Variants in RBP7 observed in about 807,000 individuals in gnomAD.
The protein encoded by RBP7 is retinol binding protein 7.
RBP7 carries 13 observed loss-of-function variants against 16.7 expected under a neutral mutation model. The ratio of observed to expected loss-of-function variants is 0.78; its 90% confidence interval spans 0.51 to 1.24. The LOEUF (loss-of-function observed/expected upper bound fraction) is 1.24, where lower values mean the gene tolerates loss of function less well. RBP7 is among the 50% of genes most tolerant of loss of function. The pLI is 0.00. For missense variants in RBP7, 145 were observed against 159.5 expected, an observed-to-expected ratio of 0.91 and a Z score of 0.49; for synonymous variants, 54 against 56.2, an observed-to-expected ratio of 0.96 and a Z score of 0.17.
At chr1:10,003,731 C>T (rs1383614385) in intron 1 of RBP7, among the ~76,000 whole-genome samples, 3 of 152,140 alleles carry the variant, frequency 2.0e-5, no homozygotes, top group Non-Finnish European at 4.4e-5. Context: ...AATTTGCTAA[C>T]AACAAATTGC....
At chr1:10,011,649 A>T (rs945457719) in intron 3 of RBP7, among the ~76,000 whole-genome samples, 12 of 152,178 alleles carry the variant, frequency 7.9e-5, no homozygotes, top group Non-Finnish European at 1.5e-4. Context: ...ACCCATGAGA[A>T]CAAAACTAGA....
chr1:10,014,382 T>C (rs915998758), intron 3 of RBP7, among the ~76,000 whole-genome samples: 12 of 151,072 alleles, frequency 7.9e-5, no homozygotes, highest in African/African-American at 2.9e-4. Context: ...TTCTTTTCTT[T>C]CTTTTTTCTT....
chr1:10,015,037 C>T (rs1642739808), intron 3 of RBP7, among the ~76,000 whole-genome samples: 1 of 152,172 alleles, frequency 6.6e-6, no homozygotes, highest in Non-Finnish European at 1.5e-5. Context: ...TAAAAACCCA[C>T]ACCTTTGGTG....
intron 1 of RBP7, among the ~76,000 whole-genome samples, chr1:9,999,586 G>C (rs1026146815): frequency 7.9e-5 from 12 of 151,964 alleles, no homozygotes; most frequent in African/African-American, 2.9e-4. Context: ...CCCACTCTTG[G>C]ATATGTCTTT....
At position 9,997,235 on chromosome 1, in the gene RBP7, G is replaced by A. The variant is rs1161775234; in HGVS notation, c.-24G>A. 1.1e-5 allele frequency: 15 copies of A among 1,360,092 alleles called. No homozygotes were observed. Among genetic ancestry groups the A allele is most frequent in the Non-Finnish European group, 1.5e-5 (15 of 1,026,276 alleles). 84.3% of individuals were successfully genotyped at this position (1,360,092 alleles called of 1,614,324 possible). On this transcript the variant is annotated 5_prime_UTR_variant, in exon 1 of 4. Transcript: ENST00000294435. This position sits in a 1 kb window ranked among gnomAD's most constrained non-coding sequence, Gnocchi z 5.9. ...CGGCCCGAGCCTCCGGCCGCCCGCC[G>A]GGTTTGTCCCGCGATCCCCGACCAT...
In RBP7 at chr1:9,997,395, C is replaced by A; in HGVS notation, c.73+64C>A. ...CGTGGGTCTCGGGATCAGGCGAAGGCGGCCGGGCCGGGCCTGTAGGTACGT... is the reference window on the plus strand; with the variant it reads ...CGTGGGTCTCGGGATCAGGCGAAGGAGGCCGGGCCGGGCCTGTAGGTACGT... On this transcript the variant is annotated intron_variant, in intron 1 of 3. Transcript: ENST00000294435. This position sits in a 1 kb window ranked among gnomAD's most constrained non-coding sequence, Gnocchi z 5.9. The A allele has an allele frequency of 6.6e-7, 1 of 1,509,276 alleles. No individual in the cohort carries two copies. The highest frequency in any genetic ancestry group is 9.2e-7 in the Non-Finnish European group (1 of 1,092,004). The allele number at this position is 1,509,276 out of a possible 1,614,324, so 93.5% of individuals were successfully genotyped here.
chr1:10,013,717 G>A (rs940689272), intron 3 of RBP7, among the ~76,000 whole-genome samples: 2 of 152,078 alleles, frequency 1.3e-5, no homozygotes, highest in Admixed American at 1.3e-4. Context: ...GGCTGAGGCA[G>A]GATAATCACT....
At chr1:9,999,660 A>C (rs113346921) in intron 1 of RBP7, among the ~76,000 whole-genome samples, 4,056 of 152,184 alleles carry the variant, frequency 0.027, 65 homozygotes, top group African/African-American at 0.036. Flanking sequence ...GAAACCCTTA[A>C]ATCCAGAACG....
In RBP7 at chr1:10,007,637, G is replaced by A; in HGVS notation, c.141G>A (p.Gly47=). The A allele has an allele frequency of 3.1e-6, 5 of 1,613,902 alleles. No individual in the cohort carries two copies. The highest frequency in any genetic ancestry group is 4.2e-6 in the Non-Finnish European group (5 of 1,179,940). ...LKPQKVIEQN[G]DSFTIHTNSS... ...CACAGAAAGTGATTGAGCAGAATGG[G>A]GATTCTTTTACCATCCACACGAACA... Residue 47 remains glycine, a synonymous_variant, in exon 2 of 4, where the codon GGG becomes GGA. Coordinates refer to ENST00000294435, the MANE Select transcript of RBP7 (RefSeq NM_052960.3).
intron 1 of RBP7, among the ~76,000 whole-genome samples, chr1:10,001,286 T>G (rs1305082967): frequency 2.0e-5 from 3 of 152,110 alleles, no homozygotes; most frequent in Non-Finnish European, 4.4e-5. Flanking sequence ...AAAGGCAGCT[T>G]GTCTTTGCAC....
intron 1 of RBP7, chr1:10,007,257 AT>A: frequency 6.9e-6 from 2 of 289,296 alleles, no homozygotes; most frequent in Non-Finnish European, 1.3e-5. Flanking sequence ...TACAGTTTTT[AT>A]TTTTTTATAG....
chr1:10,001,179 T>C (rs979573475), intron 1 of RBP7, among the ~76,000 whole-genome samples: 1 of 152,134 alleles, frequency 6.6e-6, no homozygotes, highest in Non-Finnish European at 1.5e-5. Flanking sequence ...AATCACTCCC[T>C]TTTGTCTAAA....
At chr1:9,998,424 T>TTTGAGACGGAGTCTCGCTC (rs1642212257) in intron 1 of RBP7, among the ~76,000 whole-genome samples, 1 of 148,832 alleles carries the variant, frequency 6.7e-6, no homozygotes, top group East Asian at 2.0e-4. Context: ...TTTTTTTTTT[T>TTTGAGACGGAGTCTCGCTC]TGAGACGGAG....
chr1:10,008,087 T>C, intron 2 of RBP7, 86 bp from the exon 3 acceptor site: 1 of 869,016 alleles, frequency 1.2e-6, no homozygotes, highest in Non-Finnish European at 1.9e-6. Flanking sequence ...AGGCTGTTGA[T>C]TTTGCAAGGG....
At chr1:10,005,793 C>T (rs191176846) in intron 1 of RBP7, among the ~76,000 whole-genome samples, 133 of 152,146 alleles carry the variant, frequency 8.7e-4, no homozygotes, top group African/African-American at 3.1e-3. Flanking sequence ...GAACTCCTGA[C>T]CTCAGGTGAT....
Position 9,999,682 on chromosome 1 carries a change from A to G in RBP7, c.73+2351A>G, listed in dbSNP as rs867435251. Among the ~76,000 whole-genome samples, 13 of 152,320 alleles carry G rather than the reference A, an allele frequency of 8.5e-5. No homozygotes were observed. In the South Asian group the frequency reaches 2.5e-3, roughly 29 times the overall value. On this transcript the variant is annotated intron_variant, in intron 1 of 3. Coordinates refer to ENST00000294435, the MANE Select transcript of RBP7 (RefSeq NM_052960.3). The stretch of plus-strand genomic sequence containing the variant: ...TTAAATCCAGAACGGTTTTCTGAAA[A>G]CCAGCAACTGTGTTTCAACTTCAGA...
chr1:10,005,071 T>G (rs1161077906), intron 1 of RBP7, among the ~76,000 whole-genome samples: 3 of 152,190 alleles, frequency 2.0e-5, no homozygotes, highest in Non-Finnish European at 4.4e-5. Flanking sequence ...TGAAAACCAG[T>G]AAAGCCTGGA....
intron 3 of RBP7, among the ~76,000 whole-genome samples, chr1:10,011,460 A>T (rs1023096119): frequency 6.6e-6 from 1 of 152,174 alleles, no homozygotes; most frequent in African/African-American, 2.4e-5. Context: ...CTTTCACATG[A>T]CTCAGGTCCC....
chr1:10,004,619 C>G (rs971447690), intron 1 of RBP7, among the ~76,000 whole-genome samples: 1 of 152,156 alleles, frequency 6.6e-6, no homozygotes, highest in Non-Finnish European at 1.5e-5. Context: ...CTCGGCCTCC[C>G]GAAGTGCTGG....
Sources: gnomAD v4.1 joint callset for allele counts (sites outside exome capture counted in the v4.1 genomes callset) on GRCh38, gnomAD v4.1.1 for gene constraint, Gnocchi (gnomAD v3.1) non-coding constraint, MANE v1.5 for transcripts, NCBI Gene and HGNC (gene_info 2026-07-23, HGNC 2026-07-21) for gene names.